Variants in MRGPRX3 observed in about 807,000 individuals in gnomAD.
The protein encoded by MRGPRX3 is mas-related G protein-coupled receptor member X3.
A neutral mutation model predicts 16.5 loss-of-function variants in MRGPRX3; 14 were observed. That is an observed-to-expected ratio of 0.85 (90% CI 0.56 to 1.33). The LOEUF is 1.33. Among genes scored for constraint, MRGPRX3 ranks in the 40% most tolerant of loss-of-function variants. MRGPRX3 has a pLI of 0.00. For missense variants in MRGPRX3, 449 were observed against 413.0 expected (o/e 1.09, Z -0.76); for synonymous variants, 199 against 180.1 (o/e 1.10, Z -0.84).
At chr11:18,130,541 C>T (rs931235515), upstream of MRGPRX3, among the ~76,000 whole-genome samples, 9 of 152,136 alleles carry the variant, frequency 5.9e-5, no homozygotes, top group African/African-American at 2.2e-4. Flanking sequence ...AGTGGAAACA[C>T]ATCCCATGCT....
chr11:18,120,966 A>T (rs1054829853), exon 1 of MRGPRX3: 5 of 165,274 alleles, frequency 3.0e-5, no homozygotes, highest in African/African-American at 1.4e-4. Flanking sequence ...CCCAGTCTGG[A>T]AAGTGAGGAG....
intron 1 of MRGPRX3, among the ~76,000 whole-genome samples, chr11:18,124,555 G>A (rs1189449229): frequency 2.6e-5 from 4 of 152,162 alleles, no homozygotes; most frequent in African/African-American, 4.8e-5. Flanking sequence ...ATCATGGTGA[G>A]TAAGCTTTTT....
intron 1 of MRGPRX3, among the ~76,000 whole-genome samples, chr11:18,132,971 A>C (rs1030352929): frequency 3.9e-5 from 6 of 152,114 alleles, no homozygotes; most frequent in African/African-American, 1.4e-4. Flanking sequence ...CCTTCATTCC[A>C]ATCATTCAAT....
At chr11:18,135,656 G>C in intron 1 of MRGPRX3, among the ~76,000 whole-genome samples, 1 of 152,002 alleles carries the variant, frequency 6.6e-6, no homozygotes. Flanking sequence ...TCTATCTGGA[G>C]TTTGTTTAGG....
At chr11:18,135,477 T>G (rs1396623412) in intron 1 of MRGPRX3, among the ~76,000 whole-genome samples, 1 of 152,144 alleles carries the variant, frequency 6.6e-6, no homozygotes, top group Non-Finnish European at 1.5e-5. Context: ...TCCTCTATAC[T>G]CCCAGAGGAG....
intron 1 of MRGPRX3, among the ~76,000 whole-genome samples, chr11:18,127,017 T>C (rs1389556371): frequency 6.6e-6 from 1 of 152,248 alleles, no homozygotes. Flanking sequence ...AGTAATGAGA[T>C]GGCTGGGCCA....
chr11:18,135,615 A>G (rs1849001081), intron 1 of MRGPRX3, among the ~76,000 whole-genome samples: 1 of 151,594 alleles, frequency 6.6e-6, no homozygotes. Flanking sequence ...ACTCACCTCT[A>G]TTTTTCCCTT....
At position 18,138,261 on chromosome 11, in the gene MRGPRX3, C is replaced by T. The variant is rs1849034182; in HGVS notation, c.*90C>T. ...TATATGCATTTTTCTTAGCCTTCTG[C>T]CTCAGAAATGTCTCAGTGGTCCCTC... On this transcript the variant is annotated 3_prime_UTR_variant, in exon 2 of 2. Transcript: ENST00000621697. 1 of 1,509,824 alleles carries T rather than the reference C, an allele frequency of 6.6e-7. No homozygotes were observed. The highest frequency in any genetic ancestry group is 8.9e-7 in the Non-Finnish European group (1 of 1,129,446). The allele number at this position is 1,509,824 out of a possible 1,614,324, so 93.5% of individuals were successfully genotyped here. A position where few individuals can be genotyped will look rare whatever the true frequency, so the allele number is the denominator to read the frequency against.
At chr11:18,136,448 T>C (rs981356850) in intron 1 of MRGPRX3, among the ~76,000 whole-genome samples, 17 of 152,246 alleles carry the variant, frequency 1.1e-4, no homozygotes, top group African/African-American at 4.1e-4. Flanking sequence ...CAGATAGAGC[T>C]GTCCACAAAT....
intron 1 of MRGPRX3, among the ~76,000 whole-genome samples, chr11:18,127,188 C>G (rs1848907654): frequency 6.6e-6 from 1 of 152,236 alleles, no homozygotes; most frequent in Admixed American, 6.5e-5. Context: ...ACCTTTCTCT[C>G]TGGCTGCCCT....
chr11:18,124,681 A>G (rs1372034917), intron 1 of MRGPRX3, among the ~76,000 whole-genome samples: 1 of 152,194 alleles, frequency 6.6e-6, no homozygotes, highest in Non-Finnish European at 1.5e-5. Flanking sequence ...AGGCTTTGGT[A>G]TCAGGATGAT....
intron 1 of MRGPRX3, among the ~76,000 whole-genome samples, chr11:18,125,687 G>A (rs1216934609): frequency 1.3e-5 from 2 of 152,224 alleles, no homozygotes; most frequent in African/African-American, 2.4e-5. Context: ...GGAGAGTTCT[G>A]TAGATGTCTA....
At position 18,137,821 on chromosome 11, in the gene MRGPRX3, C is replaced by T. The variant is rs541090110; in HGVS notation, c.619C>T (p.Arg207Trp). The change falls in exon 2 of 2, where the codon CGG becomes TGG. Residue 207 changes from arginine to tryptophan, a missense_variant. Transcript: ENST00000621697. ...VLLVRILCGS[R>W]KMPLTRLYVT... ...GCTGGTCAGGATTCTCTGTGGATCC[C>T]GGAAGATGCCGCTGACCAGGCTGTA... is the stretch of plus-strand genomic sequence containing the variant. The T allele has an allele frequency of 1.1e-5, 17 of 1,614,144 alleles. No individual in the cohort carries two copies. The highest frequency in any genetic ancestry group is 6.7e-5 in the African/African-American group (5 of 75,008).
rs199993330 is a variant in MRGPRX3, at chr11:18,137,557, G to A, written c.355G>A (p.Glu119Lys). Reference sequence around the variant, plus strand: ...AAGCATGCTGAGCGCCATCAGCACCGAGCGCTGCCTGTCCATCCTGTGGCC... The same window carrying A: ...AAGCATGCTGAGCGCCATCAGCACCAAGCGCTGCCTGTCCATCCTGTGGCC... ...GLSMLSAIST[E>K]RCLSILWPIW... The change falls in exon 2 of 2, where the codon GAG (glutamate) becomes AAG (lysine). Residue 119 changes from glutamate (E) to lysine (K), a missense_variant. By Grantham distance (56) the Glu-to-Lys change is moderately conservative. Coordinates refer to ENST00000621697, the MANE Select transcript of MRGPRX3 (RefSeq NM_001370464.1). 2.0e-5 allele frequency: 32 copies of A among 1,613,948 alleles called. No homozygotes were observed. Among genetic ancestry groups the A allele is most frequent in the Middle Eastern group, 1.6e-4 (1 of 6,084 alleles).
chr11:18,129,350 GA>G (rs1464443493), upstream of MRGPRX3, among the ~76,000 whole-genome samples: 1 of 152,122 alleles, frequency 6.6e-6, no homozygotes, highest in Non-Finnish European at 1.5e-5. Flanking sequence ...AATGAAACAA[GA>G]GATATTACAA....
At chr11:18,127,506 T>C (rs1290183688) in intron 1 of MRGPRX3, among the ~76,000 whole-genome samples, 2 of 152,240 alleles carry the variant, frequency 1.3e-5, no homozygotes, top group African/African-American at 2.4e-5. Flanking sequence ...CTCTTCTTGC[T>C]TCATTTCATT....
chr11:18,135,341 GT>G (rs1251342073), intron 1 of MRGPRX3, among the ~76,000 whole-genome samples: 3 of 152,172 alleles, frequency 2.0e-5, no homozygotes, highest in Non-Finnish European at 4.4e-5. Context: ...TGGACAAACA[GT>G]TTAGTGCTCT....
intron 1 of MRGPRX3, among the ~76,000 whole-genome samples, chr11:18,127,022 G>A (rs1399559480): frequency 6.6e-6 from 1 of 152,170 alleles, no homozygotes; most frequent in Non-Finnish European, 1.5e-5. Flanking sequence ...TGAGATGGCT[G>A]GGCCAAATGG....
At chr11:18,122,585 AT>A (rs1848851195) in intron 1 of MRGPRX3, among the ~76,000 whole-genome samples, 1 of 152,110 alleles carries the variant, frequency 6.6e-6, no homozygotes, top group Non-Finnish European at 1.5e-5. Flanking sequence ...CCAGTCTATC[AT>A]TTTTGGATCT....
Sources: allele counts gnomAD v4.1 joint callset (sites outside exome capture counted in the v4.1 genomes callset), GRCh38; gene constraint gnomAD v4.1.1; transcripts MANE v1.5; gene names NCBI Gene and HGNC (gene_info 2026-07-23, HGNC 2026-07-21).